Variants in TSPAN11 observed in about 807,000 individuals in gnomAD.
TSPAN11 encodes tetraspanin-11.
In TSPAN11, 29 loss-of-function variants were observed where a neutral mutation model predicts 32.9. The observed-to-expected ratio is 0.88, with a 90% CI of 0.66 to 1.20. The LOEUF (loss-of-function observed/expected upper bound fraction) is 1.20, where lower values mean the gene tolerates loss of function less well. Ranked by LOEUF, TSPAN11 falls within the 50% of genes most tolerant of loss-of-function variation. The pLI is 0.00. For missense variants in TSPAN11, 283 were observed against 329.1 expected (o/e 0.86, Z 1.08); for synonymous variants, 140 against 141.3 (o/e 0.99, Z 0.07).
At chr12:30,989,481 T>C (rs574218842) in intron 7 of TSPAN11, among the ~76,000 whole-genome samples, 2 of 152,242 alleles carry the variant, frequency 1.3e-5, no homozygotes, top group African/African-American at 4.8e-5. Context: ...TTCTTGTTAT[T>C]CTAGTTTTTA....
intron 7 of TSPAN11, among the ~76,000 whole-genome samples, chr12:30,990,672 A>C (rs1404763143): frequency 6.6e-6 from 1 of 152,144 alleles, no homozygotes. Flanking sequence ...TCCCCCAGCT[A>C]GCTGTCAGAG....
At chr12:30,964,475 A>G (rs780006659) in intron 3 of TSPAN11, among the ~76,000 whole-genome samples, 3 of 148,876 alleles carry the variant, frequency 2.0e-5, no homozygotes, top group Non-Finnish European at 3.0e-5. Flanking sequence ...TTTTTATGGC[A>G]ATTTTCAAAG....
intron 6 of TSPAN11, among the ~76,000 whole-genome samples, 177 bp downstream of exon 6, chr12:30,982,867 C>T (rs747271205): frequency 6.6e-6 from 1 of 152,210 alleles, no homozygotes; most frequent in East Asian, 1.9e-4. Context: ...CTGGGACAAG[C>T]AGCTCATACC....
intron 1 of TSPAN11, among the ~76,000 whole-genome samples, chr12:30,935,063 GC>G (rs1244310837): frequency 6.6e-6 from 1 of 152,004 alleles, no homozygotes; most frequent in Non-Finnish European, 1.5e-5. Flanking sequence ...CTCAGCCCCT[GC>G]CCCTCTCCTG....
intron 1 of TSPAN11, among the ~76,000 whole-genome samples, chr12:30,930,242 G>A (rs1430198954): frequency 6.6e-6 from 1 of 152,186 alleles, no homozygotes; most frequent in African/African-American, 2.4e-5. Flanking sequence ...AGTGCCTGCT[G>A]TGAGCTTTGA....
intron 3 of TSPAN11, among the ~76,000 whole-genome samples, chr12:30,968,637 G>A (rs56017604): frequency 0.17 from 26,488 of 152,216 alleles, 2,439 homozygotes; most frequent in Middle Eastern, 0.2. Context: ...AGTTGTGAAT[G>A]GGGGCTCTGA....
intron 1 of TSPAN11, among the ~76,000 whole-genome samples, chr12:30,939,809 C>G (rs545865544): frequency 5.3e-5 from 8 of 152,228 alleles, no homozygotes; most frequent in Non-Finnish European, 1.2e-4. Context: ...CTTCTGAGGT[C>G]TCACTCCTCT....
At chr12:30,958,000 A>C (rs1242791697) in intron 2 of TSPAN11, among the ~76,000 whole-genome samples, 3 of 151,992 alleles carry the variant, frequency 2.0e-5, no homozygotes, top group Admixed American at 6.5e-5. Flanking sequence ...ATAGAGTATG[A>C]GTGTAACTAT....
At chr12:30,977,271 C>G (rs893781539) in intron 3 of TSPAN11, among the ~76,000 whole-genome samples, 1 of 152,194 alleles carries the variant, frequency 6.6e-6, no homozygotes, top group Non-Finnish European at 1.5e-5. Context: ...AATGCTCTGT[C>G]TATCCTGGGC....
intron 1 of TSPAN11, 70 bp downstream of exon 1, chr12:30,926,866 TCC>T (rs1937805014): frequency 1.7e-6 from 2 of 1,164,140 alleles, no homozygotes. Context: ...GAGAGGCGCC[TCC>T]ACCTCCGCTG....
At chr12:31,013,851 T>C in the TSPAN11 span, among the ~76,000 whole-genome samples, 1 of 152,296 alleles carries the variant, frequency 6.6e-6, no homozygotes, top group Middle Eastern at 3.4e-3. Context: ...AGCCGCCAGG[T>C]ACATGCAGCC....
chr12:30,960,740 T>G (rs1304558554), intron 2 of TSPAN11, among the ~76,000 whole-genome samples: 2 of 152,066 alleles, frequency 1.3e-5, no homozygotes, highest in East Asian at 3.9e-4. Flanking sequence ...GCTATGGCTT[T>G]GAAAAATGTA....
At chr12:30,934,453 A>G (rs1388168934) in intron 1 of TSPAN11, among the ~76,000 whole-genome samples, 1 of 152,138 alleles carries the variant, frequency 6.6e-6, no homozygotes, top group Non-Finnish European at 1.5e-5. Flanking sequence ...GTTTAATTGG[A>G]CTTACAGTTC....
intron 3 of TSPAN11, among the ~76,000 whole-genome samples, chr12:30,974,203 C>T (rs904515597): frequency 2.6e-5 from 4 of 152,256 alleles, no homozygotes; most frequent in African/African-American, 9.6e-5. Context: ...ATTTTTGTGG[C>T]TCCCACAGTG....
At chr12:30,987,267 C>T (rs73097998) in intron 7 of TSPAN11, among the ~76,000 whole-genome samples, 9,049 of 152,220 alleles carry the variant, frequency 0.059, 366 homozygotes, top group South Asian at 0.086. Flanking sequence ...TGGGACCAGA[C>T]CTCCGCAGAG....
intron 7 of TSPAN11, among the ~76,000 whole-genome samples, chr12:30,987,850 G>T (rs1469587622): frequency 6.6e-6 from 1 of 152,244 alleles, no homozygotes; most frequent in Non-Finnish European, 1.5e-5. Context: ...GTGGGGAAAG[G>T]AGGGACTGTT....
At chr12:30,972,121 T>G (rs1938864252) in intron 3 of TSPAN11, among the ~76,000 whole-genome samples, 2 of 152,158 alleles carry the variant, frequency 1.3e-5, no homozygotes, top group East Asian at 3.9e-4. Context: ...GGAATTCTCG[T>G]TACCTGTTTC....
intron 1 of TSPAN11, among the ~76,000 whole-genome samples, chr12:30,928,650 G>A (rs979203413): frequency 6.6e-6 from 1 of 152,194 alleles, no homozygotes; most frequent in Non-Finnish European, 1.5e-5. Flanking sequence ...TCAGGTCCCG[G>A]CTCAGCTCCC....
At chr12:30,965,642 C>T (rs1381571975) in intron 3 of TSPAN11, among the ~76,000 whole-genome samples, 1 of 152,182 alleles carries the variant, frequency 6.6e-6, no homozygotes, top group African/African-American at 2.4e-5. Flanking sequence ...TGCAAAGTCC[C>T]GGTAGTCTGA....
Sources: allele counts gnomAD v4.1 joint callset (sites outside exome capture counted in the v4.1 genomes callset), GRCh38; gene constraint gnomAD v4.1.1; transcripts MANE v1.5; gene names NCBI Gene and HGNC (gene_info 2026-07-23, HGNC 2026-07-21).